The following STK39 variants were observed in gnomAD, a reference collection of about 807,000 sequenced individuals.
STK39 encodes STE20/SPS1-related proline-alanine-rich protein kinase.
STK39 carries 20 observed loss-of-function variants against 77.8 expected under a neutral mutation model. The observed-to-expected ratio is 0.26, with a 90% CI of 0.18 to 0.37. The LOEUF (loss-of-function observed/expected upper bound fraction) is 0.37. STK39 is among the 10% of genes least tolerant of loss of function. STK39 has a pLI of 1.00. For synonymous variants in STK39, 246 were observed against 234.1 expected, an observed-to-expected ratio of 1.05 and a Z score of -0.47; for missense variants, 479 against 656.5, an observed-to-expected ratio of 0.73 and a Z score of 2.95.
At chr2:168,017,739 G>A (rs1487175158) in intron 14 of STK39, among the ~76,000 whole-genome samples, 1 of 151,556 alleles carries the variant, frequency 6.6e-6, no homozygotes, top group Non-Finnish European at 1.5e-5. Context: ...TTTTTTTCTT[G>A]AAAAATACTA....
intron 5 of STK39, among the ~76,000 whole-genome samples, chr2:168,146,526 T>C (rs1574502094): frequency 1.3e-5 from 2 of 152,172 alleles, no homozygotes; most frequent in South Asian, 4.1e-4. Flanking sequence ...GGAGCCCCCA[T>C]AGCTTCAGGG....
chr2:168,039,143 A>T (rs1685036399), intron 14 of STK39, among the ~76,000 whole-genome samples: 1 of 152,226 alleles, frequency 6.6e-6, no homozygotes, highest in South Asian at 2.1e-4. Flanking sequence ...CCAAATGTCC[A>T]TCATCAGGTA....
At chr2:168,111,287 T>G (rs1194044624) in intron 10 of STK39, among the ~76,000 whole-genome samples, 2 of 152,200 alleles carry the variant, frequency 1.3e-5, no homozygotes, top group African/African-American at 4.8e-5. Flanking sequence ...ATTAAGATTG[T>G]TCTTTTCTAA....
chr2:168,194,802 T>C (rs1689427075), intron 1 of STK39, among the ~76,000 whole-genome samples: 1 of 152,230 alleles, frequency 6.6e-6, no homozygotes, highest in Admixed American at 6.5e-5. Context: ...ATAAACTTTA[T>C]AACGCTATGT....
Position 168,042,828 on chromosome 2 carries a change from T to C in STK39, c.1376+20672A>G, listed in dbSNP as rs375033537. On this transcript the variant is annotated intron_variant, in intron 14 of 17. Transcript: ENST00000355999. ...CTCCTGACCTTGTGATCCACCCATC[T>C]TGGCCTCCCAAAGTGCTGGGATTAT... Among the ~76,000 whole-genome samples the C allele has an allele frequency of 4.8e-4, 73 of 152,244 alleles. 1 individual carries two copies. The East Asian group carries it at 0.01, about 22-fold the overall frequency.
intron 1 of STK39, among the ~76,000 whole-genome samples, chr2:168,201,442 T>C (rs1379311461): frequency 6.6e-6 from 1 of 152,142 alleles, no homozygotes; most frequent in Non-Finnish European, 1.5e-5. Context: ...GTCAGGAAAT[T>C]ACAAACATTC....
At chr2:167,991,783 T>C (rs66647948) in intron 16 of STK39, among the ~76,000 whole-genome samples, 23,689 of 151,998 alleles carry the variant, frequency 0.16, 2,336 homozygotes, top group East Asian at 0.43. Flanking sequence ...AGGAAACGGG[T>C]TAGGACTTTA....
chr2:168,089,479 A>G (rs13012071), intron 10 of STK39, among the ~76,000 whole-genome samples: 65,680 of 152,184 alleles, frequency 0.43, 15,740 homozygotes, highest in South Asian at 0.55. Context: ...AAGTTGCCTA[A>G]TAACTTTTCA....
chr2:168,038,683 G>C (rs1261662128), intron 14 of STK39, among the ~76,000 whole-genome samples: 5 of 151,978 alleles, frequency 3.3e-5, no homozygotes, highest in African/African-American at 1.2e-4. Context: ...TCTGGCAAAG[G>C]ACTTACATTC....
At chr2:168,097,311 C>A (rs983065978) in intron 10 of STK39, among the ~76,000 whole-genome samples, 1 of 152,232 alleles carries the variant, frequency 6.6e-6, no homozygotes, top group African/African-American at 2.4e-5. Flanking sequence ...CATTGCCACA[C>A]CTTTTCATGG....
At chr2:167,985,458 C>T (rs370192427) in intron 16 of STK39, among the ~76,000 whole-genome samples, 2 of 152,184 alleles carry the variant, frequency 1.3e-5, no homozygotes, top group East Asian at 1.9e-4. Flanking sequence ...TCCATCCTTT[C>T]TTCACCAAGC....
At chr2:168,097,017 A>G (rs1477305296) in intron 10 of STK39, among the ~76,000 whole-genome samples, 2 of 152,176 alleles carry the variant, frequency 1.3e-5, no homozygotes, top group Non-Finnish European at 2.9e-5. Flanking sequence ...ACATACTACT[A>G]TGGGTCCTTG....
chr2:168,086,341 C>A (rs1274854214), intron 10 of STK39, among the ~76,000 whole-genome samples: 1 of 152,158 alleles, frequency 6.6e-6, no homozygotes, highest in Non-Finnish European at 1.5e-5. Context: ...GTATCTCCAT[C>A]TGACTATGTT....
In STK39 at chr2:168,247,416, G is replaced by C. The variant is rs1690962364; in HGVS notation, c.20C>G (p.Ser7Trp). Residue 7 changes from serine to tryptophan, a missense_variant, in exon 1 of 18, where the codon TCG becomes TGG. Physicochemically the swap from Ser to Trp is radical, Grantham distance 177. This residue lies in a region of STK39 where 96 missense variants were observed against 79.1 expected (regional missense o/e 1.21). Transcript: ENST00000355999. MAEPSG[S>W]PVHVQLPQQA... ...CTGGGGAAGCTGGACGTGCACGGGCGAGCCGCTCGGCTCCGCCATGATGCT... is the reference window on the plus strand; with the variant it reads ...CTGGGGAAGCTGGACGTGCACGGGCCAGCCGCTCGGCTCCGCCATGATGCT... The C allele has an allele frequency of 8.2e-7, 1 of 1,224,256 alleles. No homozygotes were observed. The highest frequency in any genetic ancestry group is 3.8e-5 in the East Asian group (1 of 26,154). 75.8% of individuals were successfully genotyped at this position (1,224,256 alleles called of 1,614,324 possible).
At chr2:168,124,461 C>T (rs879274914) in intron 10 of STK39, among the ~76,000 whole-genome samples, 24 of 152,090 alleles carry the variant, frequency 1.6e-4, no homozygotes, top group Non-Finnish European at 3.2e-4. Flanking sequence ...AGTGCAGTGT[C>T]ACGATCCTGG....
chr2:168,016,997 C>A, intron 15 of STK39, 46 bp downstream of exon 15: 1 of 1,457,726 alleles, frequency 6.9e-7, no homozygotes, highest in Non-Finnish European at 9.5e-7. Flanking sequence ...TCAATTTCTG[C>A]AATGCTCTTT....
In STK39 at chr2:168,035,170, C is replaced by T. The variant is rs181309627; in HGVS notation, c.1377-18075G>A. On this transcript the variant is annotated intron_variant, in intron 14 of 17. Coordinates refer to ENST00000355999, the MANE Select transcript of STK39 (RefSeq NM_013233.3). ...GTTATGAATGAAAAAAGATTTCTGCCTTTGAGGGGTTTTAAAAGATGGAAA... is the reference window on the plus strand; with the variant it reads ...GTTATGAATGAAAAAAGATTTCTGCTTTTGAGGGGTTTTAAAAGATGGAAA... 3.0e-3 allele frequency among the ~76,000 whole-genome samples: 464 copies of T among 152,222 alleles called. 3 individuals are homozygous for T. Among genetic ancestry groups the T allele is most frequent in the African/African-American group, 0.011 (446 of 41,532 alleles).
chr2:168,012,380 C>A (rs975814809), intron 16 of STK39, among the ~76,000 whole-genome samples: 16 of 152,204 alleles, frequency 1.1e-4, no homozygotes, highest in African/African-American at 3.1e-4. Context: ...ACCAAATAGG[C>A]CATGCTGGCC....
chr2:167,998,550 C>T (rs1396810929), intron 16 of STK39, among the ~76,000 whole-genome samples: 1 of 152,182 alleles, frequency 6.6e-6, no homozygotes, highest in Non-Finnish European at 1.5e-5. Flanking sequence ...TGGGAATGTA[C>T]ATGAAGTGAA....
Sources: gnomAD v4.1 joint callset for allele counts (sites outside exome capture counted in the v4.1 genomes callset) on GRCh38, gnomAD v4.1.1 for gene constraint, gnomAD v4.1.1 regional missense constraint, MANE v1.5 for transcripts, NCBI Gene and HGNC (gene_info 2026-07-23, HGNC 2026-07-21) for gene names.